Variants in TRIM71 observed in about 807,000 individuals in gnomAD.
The protein encoded by TRIM71 is E3 ubiquitin-protein ligase TRIM71.
Under a neutral mutation model 61.2 loss-of-function variants are expected in TRIM71, and 9 were observed. The observed-to-expected ratio is 0.15, with a 90% confidence interval of 0.09 to 0.26. The LOEUF (loss-of-function observed/expected upper bound fraction) is 0.26. Among genes scored for constraint, TRIM71 ranks in the 10% least tolerant of loss-of-function variants. The probability of loss-of-function intolerance (pLI) is 1.00; values close to 1 mark genes in which losing one functional copy is unlikely to be tolerated. For synonymous variants in TRIM71, 645 were observed against 553.2 expected (o/e 1.17, Z -2.33); for missense variants, 998 against 1,238.7 (o/e 0.81, Z 2.92).
At chr3:32,846,522 A>G (rs910621099) in intron 1 of TRIM71, among the ~76,000 whole-genome samples, 2 of 152,222 alleles carry the variant, frequency 1.3e-5, no homozygotes, top group African/African-American at 2.4e-5. Flanking sequence ...TGTTTAAAAT[A>G]TTTAAAATCT....
chr3:32,859,677 T>C (rs1696643889), intron 1 of TRIM71, among the ~76,000 whole-genome samples: 1 of 152,184 alleles, frequency 6.6e-6, no homozygotes, highest in African/African-American at 2.4e-5. Flanking sequence ...CTGCCCGGAA[T>C]GCCGCTGGCC....
intron 1 of TRIM71, among the ~76,000 whole-genome samples, chr3:32,868,786 T>G (rs1696767184): frequency 6.6e-6 from 1 of 152,032 alleles, no homozygotes; most frequent in Non-Finnish European, 1.5e-5. Flanking sequence ...AAACACTCCC[T>G]CCTCATACTC....
chr3:32,870,380 A>G (rs1242400676), intron 1 of TRIM71, among the ~76,000 whole-genome samples: 1 of 152,164 alleles, frequency 6.6e-6, no homozygotes. Context: ...CCCTGTCCCC[A>G]TCTCTGTTGC....
At position 32,835,929 on chromosome 3, in the gene TRIM71, CAT is replaced by C. The variant is rs575111566; in HGVS notation, c.852+16998_852+16999del. On this transcript the variant is annotated intron_variant, in intron 1 of 3. Coordinates refer to ENST00000383763, the MANE Select transcript of TRIM71 (RefSeq NM_001039111.3). ...GCATATAGAGGTTAGTCTTAAAAAA[CAT>C]GTGTAGGTGCTACCCTGTACTGACT... Among the ~76,000 whole-genome samples, 94 of 152,302 alleles carry C rather than the reference CAT, an allele frequency of 6.2e-4. No homozygotes were observed. The Middle Eastern group carries it at 0.014, about 22-fold the overall frequency.
At chr3:32,827,285 G>A (rs1164331185) in intron 1 of TRIM71, among the ~76,000 whole-genome samples, 1 of 99,000 alleles carries the variant, frequency 1.0e-5, no homozygotes, top group African/African-American at 3.4e-5. Flanking sequence ...TTTTTTTTGG[G>A]TGGAGTCTCA....
At chr3:32,833,143 A>G (rs1019266859) in intron 1 of TRIM71, among the ~76,000 whole-genome samples, 5 of 134,608 alleles carry the variant, frequency 3.7e-5, no homozygotes, top group Non-Finnish European at 7.7e-5. Context: ...CCACTGCACC[A>G]TTGCACTCCA....
chr3:32,837,235 A>G (rs1696345096), intron 1 of TRIM71, among the ~76,000 whole-genome samples: 1 of 152,212 alleles, frequency 6.6e-6, no homozygotes, highest in Admixed American at 6.5e-5. Context: ...AAGCATTGAT[A>G]TAAAGGTGTT....
chr3:32,874,025 G>A (rs747766066), intron 2 of TRIM71, 40 bp downstream of exon 2: 77 of 1,551,764 alleles, frequency 5.0e-5, no homozygotes, highest in African/African-American at 1.1e-4. Context: ...CACGTGAATC[G>A]AGCCCCCCTT....
chr3:32,818,136 G>A lies in TRIM71; in HGVS notation c.56G>A (p.Cys19Tyr). 6.2e-7 allele frequency: 1 copy of A among 1,611,270 alleles called. No individual in the cohort carries two copies. The highest frequency in any genetic ancestry group is 1.1e-5 in the South Asian group (1 of 91,064). Reference protein sequence around the residue: ...FQICLLCKEMCGSPAPLSSNS... With the variant: ...FQICLLCKEMYGSPAPLSSNS... ...ATCTGCTTGCTGTGCAAGGAGATGT[G>A]CGGCTCGCCGGCGCCGCTCTCCTCC... The change falls in exon 1 of 4, where the codon TGC becomes TAC. Residue 19 changes from cysteine to tyrosine, a missense_variant. Coordinates refer to ENST00000383763, the MANE Select transcript of TRIM71 (RefSeq NM_001039111.3).
chr3:32,891,888 CT>C lies in TRIM71; in HGVS notation c.*82del, dbSNP rs1697030895. 1 of 1,513,618 alleles carries C rather than the reference CT, an allele frequency of 6.6e-7. No individual in the cohort carries two copies. 93.8% of individuals were successfully genotyped at this position (1,513,618 alleles called of 1,614,324 possible). ...TCTCTCTCTCTTTCTCTTTCTCTCT[CT>C]TTTTGAATTTCAAAGAAGAAACAGT... On this transcript the variant is annotated 3_prime_UTR_variant, in exon 4 of 4. Coordinates refer to ENST00000383763, the MANE Select transcript of TRIM71 (RefSeq NM_001039111.3). The surrounding 1 kb of genome is among the most constrained non-coding windows in gnomAD (Gnocchi z 8.2).
At chr3:32,863,769 C>T (rs527261329) in intron 1 of TRIM71, among the ~76,000 whole-genome samples, 28 of 151,980 alleles carry the variant, frequency 1.8e-4, no homozygotes, top group Admixed American at 1.5e-3. Flanking sequence ...GCAGCCTCTG[C>T]CTCCCGGGTT....
In TRIM71 at chr3:32,886,020, G is replaced by A. The variant is rs766997320; in HGVS notation, c.1107G>A (p.Ala369=). ...AGTCGGAGGTCAAAGCCGTGACGGC[G>A]AGGCATAAGAAAGCCCTGGAGGAAC... is the stretch of plus-strand genomic sequence containing the variant. The part of the protein sequence containing the change: ...VVQSEVKAVT[A]RHKKALEERE... The change falls in exon 3 of 4, where the codon GCG becomes GCA. Residue 369 remains alanine, a synonymous_variant. Coordinates refer to ENST00000383763, the MANE Select transcript of TRIM71 (RefSeq NM_001039111.3). The A allele has an allele frequency of 2.1e-5, 34 of 1,614,042 alleles. 1 individual carries two copies. The South Asian group carries it at 3.2e-4, about 15-fold the overall frequency.
At chr3:32,856,516 G>A (rs1373256818) in intron 1 of TRIM71, among the ~76,000 whole-genome samples, 6 of 152,126 alleles carry the variant, frequency 3.9e-5, no homozygotes, top group Non-Finnish European at 4.4e-5. Flanking sequence ...AGGCAATAAG[G>A]AAATGTACTG....
chr3:32,859,023 A>G (rs1696636864), intron 1 of TRIM71, among the ~76,000 whole-genome samples: 1 of 151,922 alleles, frequency 6.6e-6, no homozygotes, highest in Admixed American at 6.6e-5. Flanking sequence ...CACCACTTTT[A>G]TAGGGCAGAA....
At chr3:32,874,259 G>A (rs934029891) in intron 2 of TRIM71, among the ~76,000 whole-genome samples, 18 of 152,158 alleles carry the variant, frequency 1.2e-4, no homozygotes, top group South Asian at 2.1e-4. Flanking sequence ...GCCACCTCCC[G>A]AAATCAAAGT....
chr3:32,887,859 T>G (rs1175631504), intron 3 of TRIM71, among the ~76,000 whole-genome samples: 2 of 152,178 alleles, frequency 1.3e-5, no homozygotes, highest in Non-Finnish European at 2.9e-5. Context: ...CGAAATCATA[T>G]AATCACCCCT....
In TRIM71 at chr3:32,818,434, C is replaced by T. The variant is rs1361161592; in HGVS notation, c.354C>T (p.Asn118=). The T allele has an allele frequency of 3.4e-6, 5 of 1,474,596 alleles. No individual in the cohort carries two copies. Among genetic ancestry groups the T allele is most frequent in the East Asian group, 3.0e-5 (1 of 33,406 alleles). 91.3% of individuals were successfully genotyped at this position (1,474,596 alleles called of 1,614,324 possible). The change falls in exon 1 of 4, where the codon AAC becomes AAT. Residue 118 remains asparagine (N), a synonymous_variant. Transcript: ENST00000383763. ...CTTCGTCCGCCTTCCTGCTTAGCAA[C>T]CTGCTCGACGCGGTGGTGGCCACTG... ...ALPSSAFLLS[N]LLDAVVATAD... is the part of the protein sequence containing the mutation.
chr3:32,825,408 A>AC (rs34834423), intron 1 of TRIM71, among the ~76,000 whole-genome samples: 1 of 151,884 alleles, frequency 6.6e-6, no homozygotes, highest in Non-Finnish European at 1.5e-5. Flanking sequence ...CTAAAATTTA[A>AC]CCCCCTCTGA....
Position 32,890,956 on chromosome 3 carries a change from C to T in TRIM71, c.1752C>T (p.Arg584=), listed in dbSNP as rs1259265783. Reference sequence around the variant, plus strand: ...TCAAGGTGGTGGTCAAGTCAGGCCGCAGCTACGTGGGCATTGGGCTCCCGG... The same window carrying T: ...TCAAGGTGGTGGTCAAGTCAGGCCGTAGCTACGTGGGCATTGGGCTCCCGG... ...SPFKVVVKSG[R]SYVGIGLPGL... is the part of the protein sequence containing the mutation. The change falls in exon 4 of 4, where the codon CGC becomes CGT. Residue 584 remains arginine, a synonymous_variant. Coordinates refer to ENST00000383763, the MANE Select transcript of TRIM71 (RefSeq NM_001039111.3). This position sits in a 1 kb window ranked among gnomAD's most constrained non-coding sequence, Gnocchi z 6.2. 2 of 1,614,194 alleles carry T rather than the reference C, an allele frequency of 1.2e-6. No individual in the cohort carries two copies. Among genetic ancestry groups the T allele is most frequent in the Non-Finnish European group, 1.7e-6 (2 of 1,180,046 alleles).
Sources: allele counts gnomAD v4.1 joint callset (sites outside exome capture counted in the v4.1 genomes callset), GRCh38; gene constraint gnomAD v4.1.1; non-coding constraint Gnocchi (gnomAD v3.1); transcripts MANE v1.5; gene names NCBI Gene and HGNC (gene_info 2026-07-23, HGNC 2026-07-21).